The following TXNRD1 variants were observed in gnomAD, a reference collection of about 807,000 sequenced individuals.
TXNRD1 encodes thioredoxin reductase 1.
In TXNRD1, 57 loss-of-function variants were observed where a neutral mutation model predicts 80.3. That is an observed-to-expected ratio of 0.71 (90% CI 0.57 to 0.89). The LOEUF (loss-of-function observed/expected upper bound fraction) is 0.89, where lower values mean the gene tolerates loss of function less well. TXNRD1 is among the 40% of genes least tolerant of loss of function. The pLI is 0.00. For missense variants in TXNRD1, 730 were observed against 803.0 expected, an observed-to-expected ratio of 0.91 and a Z score of 1.10; for synonymous variants, 291 against 285.2, an observed-to-expected ratio of 1.02 and a Z score of -0.20.
At chr12:104,256,957 T>A (rs11111955) in intron 2 of TXNRD1, among the ~76,000 whole-genome samples, 1 of 146,210 alleles carries the variant, frequency 6.8e-6, no homozygotes, top group Non-Finnish European at 1.5e-5. Context: ...TAGAATGAGA[T>A]GAGAATATAT....
At chr12:104,329,959 GCAC>G (rs2135859317) in intron 13 of TXNRD1, among the ~76,000 whole-genome samples, 1 of 152,328 alleles carries the variant, frequency 6.6e-6, no homozygotes, top group East Asian at 1.9e-4. Flanking sequence ...TCACAGGCTT[GCAC>G]TGCCTCTTGG....
intron 3 of TXNRD1, among the ~76,000 whole-genome samples, chr12:104,264,737 A>G (rs1306290464): frequency 1.3e-5 from 2 of 152,124 alleles, no homozygotes; most frequent in Non-Finnish European, 2.9e-5. Flanking sequence ...TGGACAGTCT[A>G]TTGCCAATTT....
Position 104,274,442 on chromosome 12 carries a change from T to C in TXNRD1, c.305-14489T>C, listed in dbSNP as rs541459044. On this transcript the variant is annotated intron_variant, in intron 3 of 16. Coordinates refer to ENST00000525566, the MANE Select transcript of TXNRD1 (RefSeq NM_001093771.3). ...CGGGCACGGTGGCTCACGCCTGTAA[T>C]CCTAGCACTTTGGGAGGCCGAGGCG... Among the ~76,000 whole-genome samples the C allele has an allele frequency of 2.0e-4, 30 of 152,240 alleles. No individual in the cohort carries two copies. The East Asian group carries it at 5.8e-3, about 29-fold the overall frequency.
At chr12:104,301,066 C>T (rs1394580966) in intron 4 of TXNRD1, among the ~76,000 whole-genome samples, 2 of 152,212 alleles carry the variant, frequency 1.3e-5, no homozygotes, top group Non-Finnish European at 2.9e-5. Flanking sequence ...CTGTAAATCA[C>T]AACTTAATGT....
chr12:104,301,372 CTG>C (rs1357070072), intron 4 of TXNRD1, among the ~76,000 whole-genome samples: 42 of 151,992 alleles, frequency 2.8e-4, no homozygotes, highest in Admixed American at 2.4e-3. Flanking sequence ...GAGTCTCGCT[CTG>C]TCGCCCAGGC....
intron 1 of TXNRD1, among the ~76,000 whole-genome samples, chr12:104,247,253 T>G (rs2033014578): frequency 6.6e-6 from 1 of 151,962 alleles, no homozygotes; most frequent in Non-Finnish European, 1.5e-5. Context: ...TTTTTCATTG[T>G]GACAGGGTTT....
At chr12:104,258,261 G>T (rs2033297452) in intron 3 of TXNRD1, 182 bp downstream of exon 3, 1 of 543,748 alleles carries the variant, frequency 1.8e-6, no homozygotes, top group South Asian at 2.4e-5. Flanking sequence ...TTCACCTTTA[G>T]CCTTTACCTA....
chr12:104,277,658 A>G (rs1376502180), intron 3 of TXNRD1, among the ~76,000 whole-genome samples: 1 of 152,104 alleles, frequency 6.6e-6, no homozygotes, highest in Admixed American at 6.6e-5. Flanking sequence ...TGGATGATTC[A>G]TGGATGATTT....
At position 104,325,347 on chromosome 12, in the gene TXNRD1, T is replaced by C. The variant is rs765339832; in HGVS notation, c.1226T>C (p.Ile409Thr). 4 of 1,612,676 alleles carry C rather than the reference T, an allele frequency of 2.5e-6. No homozygotes were observed. Among genetic ancestry groups the C allele is most frequent in the Non-Finnish European group, 2.5e-6 (3 of 1,179,198 alleles). Residue 409 changes from isoleucine (I) to threonine (T), a missense_variant, in exon 11 of 17, where the codon ATT (isoleucine) becomes ACT (threonine). By Grantham distance (89) the Ile-to-Thr change is moderately conservative. Transcript: ENST00000525566. ...RQFVPIKVEQ[I>T]EAGTPGRLRV... ...TTATCACTCTTACAGGTTGAACAAA[T>C]TGAAGCAGGGACACCAGGCCGACTC...
At chr12:104,271,627 AT>A (rs911973484) in intron 3 of TXNRD1, among the ~76,000 whole-genome samples, 1 of 152,184 alleles carries the variant, frequency 6.6e-6, no homozygotes, top group Admixed American at 6.5e-5. Context: ...TACAAAGTAC[AT>A]TGATCAGTCA....
chr12:104,237,091 A>C lies in TXNRD1; in HGVS notation c.92-14436A>C, dbSNP rs138399360. On this transcript the variant is annotated intron_variant, in intron 1 of 16. Coordinates refer to ENST00000525566, the MANE Select transcript of TXNRD1 (RefSeq NM_001093771.3). Reference sequence around the variant, plus strand: ...CAAAAAAACCTCTGTTTTCCTCATGAAACTCTCCAAATTAAAAGCAGATAG... The same window carrying C: ...CAAAAAAACCTCTGTTTTCCTCATGCAACTCTCCAAATTAAAAGCAGATAG... Among the ~76,000 whole-genome samples, 226 of 152,290 alleles carry C rather than the reference A, an allele frequency of 1.5e-3. 1 individual carries two copies. The highest frequency in any genetic ancestry group is 5.1e-3 in the African/African-American group (214 of 41,556).
chr12:104,248,032 G>A (rs991925086), intron 1 of TXNRD1, among the ~76,000 whole-genome samples: 7 of 152,146 alleles, frequency 4.6e-5, no homozygotes, highest in African/African-American at 1.4e-4. Flanking sequence ...ATGTTACCAC[G>A]AGGAATGTTT....
chr12:104,250,068 A>G (rs1032296318), intron 1 of TXNRD1, among the ~76,000 whole-genome samples: 2 of 152,214 alleles, frequency 1.3e-5, no homozygotes, highest in Non-Finnish European at 2.9e-5. Flanking sequence ...GTGTAGTGAC[A>G]GTATAACATA....
intron 4 of TXNRD1, among the ~76,000 whole-genome samples, chr12:104,295,314 G>A (rs73396440): frequency 0.013 from 1,910 of 152,274 alleles, 44 homozygotes; most frequent in African/African-American, 0.044. Flanking sequence ...ACCAGCGCCT[G>A]ACTATTCTAG....
At chr12:104,340,898 AT>A (rs1183829404) in intron 16 of TXNRD1, among the ~76,000 whole-genome samples, 1 of 152,198 alleles carries the variant, frequency 6.6e-6, no homozygotes, top group Non-Finnish European at 1.5e-5. Flanking sequence ...ACAAGCTTCA[AT>A]AGCCATTTTT....
chr12:104,272,409 G>T (rs755540334), intron 3 of TXNRD1, among the ~76,000 whole-genome samples: 1 of 152,162 alleles, frequency 6.6e-6, no homozygotes, highest in African/African-American at 2.4e-5. Flanking sequence ...TAGGTAATCG[G>T]AATGACTTAA....
chr12:104,260,163 G>C (rs973217235), intron 3 of TXNRD1, among the ~76,000 whole-genome samples: 6 of 151,472 alleles, frequency 4.0e-5, no homozygotes, highest in African/African-American at 7.3e-5. Flanking sequence ...GAGAAACCCC[G>C]TCTGTACTAA....
At chr12:104,336,280 A>G (rs2036138749) in intron 15 of TXNRD1, among the ~76,000 whole-genome samples, 1 of 152,238 alleles carries the variant, frequency 6.6e-6, no homozygotes, top group South Asian at 2.1e-4. Context: ...TAATGTGGAA[A>G]ATAATTTTCC....
intron 1 of TXNRD1, among the ~76,000 whole-genome samples, chr12:104,230,857 C>T (rs942243035): frequency 3.3e-5 from 5 of 152,104 alleles, no homozygotes; most frequent in African/African-American, 7.2e-5. Context: ...ATGTCATTCA[C>T]GAAGCCCCTG....
Sources: allele counts gnomAD v4.1 joint callset (sites outside exome capture counted in the v4.1 genomes callset), GRCh38; gene constraint gnomAD v4.1.1; transcripts MANE v1.5; gene names NCBI Gene and HGNC (gene_info 2026-07-23, HGNC 2026-07-21).